The following FADS6 variants were observed in gnomAD, a reference collection of about 807,000 sequenced individuals.
FADS6 encodes fatty acid desaturase domain family, member 6.
Under a neutral mutation model 31.7 loss-of-function variants are expected in FADS6, and 28 were observed. The ratio of observed to expected loss-of-function variants is 0.88; its 90% CI spans 0.66 to 1.21. The LOEUF (loss-of-function observed/expected upper bound fraction) is 1.21. Among genes scored for constraint, FADS6 ranks in the 50% most tolerant of loss-of-function variants. The pLI is 0.00. For synonymous variants in FADS6, 191 were observed against 213.1 expected, an observed-to-expected ratio of 0.90 and a Z score of 0.90; for missense variants, 494 against 504.2, an observed-to-expected ratio of 0.98 and a Z score of 0.19.
At chr17:74,885,438 C>G (rs1413269387) in intron 2 of FADS6, among the ~76,000 whole-genome samples, 1 of 152,140 alleles carries the variant, frequency 6.6e-6, no homozygotes. Context: ...CCCCAGAAGC[C>G]CCCAGCATTC....
chr17:74,886,282 T>C (rs1300188635), intron 2 of FADS6, among the ~76,000 whole-genome samples: 3 of 126,556 alleles, frequency 2.4e-5, no homozygotes, highest in Admixed American at 1.6e-4. Context: ...CTGGCCAACA[T>C]GGGGAAACCC....
intron 2 of FADS6, among the ~76,000 whole-genome samples, chr17:74,884,978 GGAATACAGCGTGA>G (rs2038608691): frequency 6.6e-6 from 1 of 152,022 alleles, no homozygotes; most frequent in Non-Finnish European, 1.5e-5. Context: ...CAAAATGCTG[GGAATACAGCGTGA>G]GCCACTGCGC....
At chr17:74,881,820 G>A (rs1265797442) in intron 3 of FADS6, among the ~76,000 whole-genome samples, 1 of 151,992 alleles carries the variant, frequency 6.6e-6, no homozygotes, top group African/African-American at 2.4e-5. Flanking sequence ...GTCAAGCCCT[G>A]GGATTTGAAC....
At chr17:74,888,830 G>A (rs942407882) in intron 2 of FADS6, among the ~76,000 whole-genome samples, 2 of 152,170 alleles carry the variant, frequency 1.3e-5, no homozygotes, top group South Asian at 4.1e-4. Flanking sequence ...AATTACGGGG[G>A]CCTGCCCATC....
chr17:74,880,642 C>G (rs2038557512), intron 4 of FADS6, among the ~76,000 whole-genome samples: 1 of 152,172 alleles, frequency 6.6e-6, no homozygotes, highest in Admixed American at 6.5e-5. Flanking sequence ...CCGCACCCAG[C>G]TGAGAAGCCT....
intron 2 of FADS6, among the ~76,000 whole-genome samples, chr17:74,886,921 C>T (rs918374346): frequency 6.6e-6 from 1 of 152,164 alleles, no homozygotes; most frequent in Non-Finnish European, 1.5e-5. Context: ...TGGAGTTTCT[C>T]AGCCCTGCAT....
At chr17:74,881,563 G>A (rs1350195004) in intron 3 of FADS6, among the ~76,000 whole-genome samples, 1 of 151,772 alleles carries the variant, frequency 6.6e-6, no homozygotes, top group Non-Finnish European at 1.5e-5. Context: ...GCTGGGCGTC[G>A]TGGCGCACAC....
intron 2 of FADS6, among the ~76,000 whole-genome samples, chr17:74,886,993 T>C (rs2038629994): frequency 6.6e-6 from 1 of 151,896 alleles, no homozygotes; most frequent in Admixed American, 6.6e-5. Context: ...CTGTACGACA[T>C]TTAGCAATGT....
intron 2 of FADS6, among the ~76,000 whole-genome samples, chr17:74,889,855 A>G (rs915827567): frequency 8.4e-6 from 1 of 118,470 alleles, no homozygotes; most frequent in African/African-American, 3.2e-5. Context: ...TGGGCAACAG[A>G]GTGAGACTCA....
chr17:74,877,800 A>G lies in FADS6; in HGVS notation c.*531T>C, dbSNP rs1377543793. 1.3e-5 allele frequency: 13 copies of G among 985,864 alleles called. No individual in the cohort carries two copies. The highest frequency in any genetic ancestry group is 1.6e-5 in the Non-Finnish European group (13 of 830,390). The allele number at this position is 985,864 out of a possible 1,614,324, so 61.1% of individuals were successfully genotyped here. A position where few individuals can be genotyped will look rare whatever the true frequency, so the allele number is the denominator to read the frequency against. ...AGGTTCCTTTGGCTGAGGATCGAGG[A>G]AGGCCTGCCAAAAGCAAGCTCACCC... On this transcript the variant is annotated 3_prime_UTR_variant, in exon 6 of 6. Transcript: ENST00000612771.
At chr17:74,886,351 T>G (rs1280146830) in intron 2 of FADS6, among the ~76,000 whole-genome samples, 10 of 148,686 alleles carry the variant, frequency 6.7e-5, no homozygotes, top group African/African-American at 1.0e-4. Context: ...TCCCAGCTAC[T>G]TGGGAGGCTG....
Position 74,877,536 on chromosome 17 carries a change from T to C in FADS6, c.*795A>G, listed in dbSNP as rs140289164. Reference sequence around the variant, plus strand: ...TTTTAGTAGAGACGGGGTTTCACCATGTTGGCCAGGGTGGTCTCGAGCTCC... The same window carrying C: ...TTTTAGTAGAGACGGGGTTTCACCACGTTGGCCAGGGTGGTCTCGAGCTCC... On this transcript the variant is annotated 3_prime_UTR_variant, in exon 6 of 6. Transcript: ENST00000612771. The C allele has an allele frequency of 7.5e-3, 1,658 of 221,922 alleles. 40 individuals are homozygous for C. The highest frequency in any genetic ancestry group is 0.036 in the African/African-American group (1,548 of 42,624). The allele number at this position is 221,922 out of a possible 1,614,324, so 13.7% of individuals were successfully genotyped here.
rs1004543294 is a variant in FADS6, at chr17:74,877,795, C to T, written c.*536G>A. On this transcript the variant is annotated 3_prime_UTR_variant, in exon 6 of 6. Coordinates refer to ENST00000612771, the MANE Select transcript of FADS6 (RefSeq NM_178128.6). ...TGCACAGGTTCCTTTGGCTGAGGAT[C>T]GAGGAAGGCCTGCCAAAAGCAAGCT... 3.0e-6 allele frequency: 3 copies of T among 985,876 alleles called. No individual in the cohort carries two copies. Among genetic ancestry groups the T allele is most frequent in the African/African-American group, 3.5e-5 (2 of 57,234 alleles). 61.1% of individuals were successfully genotyped at this position (985,876 alleles called of 1,614,324 possible). A position where few individuals can be genotyped will look rare whatever the true frequency, so the allele number is the denominator to read the frequency against.
At chr17:74,887,355 G>A (rs1383980928) in intron 2 of FADS6, among the ~76,000 whole-genome samples, 1 of 152,160 alleles carries the variant, frequency 6.6e-6, no homozygotes, top group Non-Finnish European at 1.5e-5. Flanking sequence ...AAGGTGGTGG[G>A]AACCACTGGG....
intron 2 of FADS6, among the ~76,000 whole-genome samples, chr17:74,883,324 G>A (rs1274408611): frequency 6.6e-6 from 1 of 152,248 alleles, no homozygotes; most frequent in Admixed American, 6.5e-5. Context: ...TGACTCCTAG[G>A]AGAGTAGTCA....
Position 74,881,268 on chromosome 17 carries a change from G to T in FADS6, c.593-13C>A, listed in dbSNP as rs548672833. On this transcript the variant is annotated splice_polypyrimidine_tract_variant and intron_variant, in intron 3 of 5. Transcript: ENST00000612771. The stretch of plus-strand genomic sequence containing the variant: ...TTCCTCAGCCGCTCTGCCATAGAGG[G>T]AGGGGACAGGCAAGGCTCAGATCCA... The T allele has an allele frequency of 1.3e-5, 21 of 1,581,884 alleles. No individual in the cohort carries two copies. Among genetic ancestry groups the T allele is most frequent in the Middle Eastern group, 1.7e-4 (1 of 5,888 alleles).
chr17:74,893,448 C>A lies in FADS6; in HGVS notation c.148G>T (p.Val50Leu). 6.3e-7 allele frequency: 1 copy of A among 1,589,366 alleles called. No homozygotes were observed. Among genetic ancestry groups the A allele is most frequent in the Non-Finnish European group, 8.5e-7 (1 of 1,169,710 alleles). Residue 50 changes from valine to leucine, a missense_variant, in exon 1 of 6, where the codon GTG (valine) becomes TTG (leucine). This residue lies in a region of FADS6 where 454 missense variants were observed against 438.5 expected (regional missense o/e 1.04). Transcript: ENST00000612771. Reference protein sequence around the residue: ...GGEALLRELEVLVQDVVRTSS... With the variant: ...GGEALLRELELLVQDVVRTSS... The stretch of plus-strand genomic sequence containing the variant: ...GTCCTCACCACGTCCTGCACCAGCA[C>A]CTCCAGCTCCCGCAGCAGCGCCTCG...
intron 2 of FADS6, 79 bp from the exon 3 acceptor site, chr17:74,882,789 G>T: frequency 6.5e-7 from 1 of 1,542,978 alleles, no homozygotes; most frequent in South Asian, 1.2e-5. Context: ...AGAGCCCGGA[G>T]AACACCCCCA....
rs1421399542 is a variant in FADS6 at position 74,880,958 on chromosome 17, T to A, written c.780+110A>T. 3 of 1,146,244 alleles carry A rather than the reference T, an allele frequency of 2.6e-6. No individual in the cohort carries two copies. In the South Asian group the frequency reaches 4.8e-5, roughly 19 times the overall value. The allele number at this position is 1,146,244 out of a possible 1,614,324, so 71.0% of individuals were successfully genotyped here. ...TGATGAGAGCGAGAGGGAGGATGCC[T>A]CATCCTTCAGGTGGCCCCTCTCTCC... On this transcript the variant is annotated intron_variant, in intron 4 of 5. Transcript: ENST00000612771.
Sources: gnomAD v4.1 joint callset for allele counts (sites outside exome capture counted in the v4.1 genomes callset) on GRCh38, gnomAD v4.1.1 for gene constraint, gnomAD v4.1.1 regional missense constraint, MANE v1.5 for transcripts, NCBI Gene and HGNC (gene_info 2026-07-23, HGNC 2026-07-21) for gene names.